Variants in GNAQ observed in about 807,000 individuals in gnomAD.
GNAQ encodes the protein guanine nucleotide-binding protein G(q) subunit alpha.
A neutral mutation model predicts 43.9 loss-of-function variants in GNAQ; 8 were observed. That is an observed-to-expected ratio of 0.18 (90% CI 0.11 to 0.33). The LOEUF (loss-of-function observed/expected upper bound fraction) is 0.33, where lower values mean the gene tolerates loss of function less well. GNAQ is among the 10% of genes least tolerant of loss of function. The pLI, the probability that GNAQ is intolerant of heterozygous loss-of-function variation, is 1.00. For missense variants in GNAQ, 158 were observed against 450.8 expected, an observed-to-expected ratio of 0.35 and a Z score of 5.88; for synonymous variants, 155 against 170.7, an observed-to-expected ratio of 0.91 and a Z score of 0.71.
chr9:77,992,245 C>T (rs1248577192), intron 1 of GNAQ, among the ~76,000 whole-genome samples: 2 of 152,148 alleles, frequency 1.3e-5, no homozygotes. Context: ...CTGTCATTTC[C>T]CTGTAAATGG....
chr9:77,877,259 C>T (rs547440256), intron 2 of GNAQ, among the ~76,000 whole-genome samples: 1 of 152,298 alleles, frequency 6.6e-6, no homozygotes, highest in East Asian at 1.9e-4. Context: ...TTTATAATCC[C>T]TATTCCATGT....
chr9:77,886,758 T>C (rs1410552), intron 2 of GNAQ, among the ~76,000 whole-genome samples: 87,205 of 151,922 alleles, frequency 0.57, 27,054 homozygotes, highest in South Asian at 0.71. Flanking sequence ...AGCTACTGGC[T>C]CATGAACCTT....
At chr9:77,935,874 A>G (rs1255648985) in intron 1 of GNAQ, among the ~76,000 whole-genome samples, 1 of 152,208 alleles carries the variant, frequency 6.6e-6, no homozygotes, top group African/African-American at 2.4e-5. Flanking sequence ...CAGAAACAGC[A>G]ATAGTCAACC....
At chr9:77,783,973 T>C (rs1410081203) in intron 5 of GNAQ, among the ~76,000 whole-genome samples, 1 of 151,996 alleles carries the variant, frequency 6.6e-6, no homozygotes, top group Non-Finnish European at 1.5e-5. Context: ...ATAACACACA[T>C]AATAATGAAG....
At chr9:77,803,330 G>A (rs929932070) in intron 3 of GNAQ, among the ~76,000 whole-genome samples, 1 of 152,138 alleles carries the variant, frequency 6.6e-6, no homozygotes, top group Non-Finnish European at 1.5e-5. Context: ...TTTAGGTCCT[G>A]GCTAGAGAAT....
At chr9:77,856,684 T>A (rs1827761013) in intron 2 of GNAQ, among the ~76,000 whole-genome samples, 1 of 152,202 alleles carries the variant, frequency 6.6e-6, no homozygotes, top group African/African-American at 2.4e-5. Flanking sequence ...AACTTCTTTG[T>A]AAGTAATTAC....
chr9:78,031,369 A>G lies in GNAQ; in HGVS notation c.-134T>C, dbSNP rs1358610437. On this transcript the variant is annotated 5_prime_UTR_variant, in exon 1 of 7. Transcript: ENST00000286548. ...GCCGCCCGGGCGCGCGTCCGGGACG[A>G]GCTCCGGGAACCGCCGCGGGGGCGG... The G allele has an allele frequency of 1.8e-6, 1 of 545,928 alleles. No homozygotes were observed. Among genetic ancestry groups the G allele is most frequent in the Non-Finnish European group, 2.6e-6 (1 of 387,094 alleles). The allele number at this position is 545,928 out of a possible 1,614,324, so 33.8% of individuals were successfully genotyped here.
chr9:77,916,612 T>A (rs542170019), intron 2 of GNAQ, among the ~76,000 whole-genome samples: 2 of 152,158 alleles, frequency 1.3e-5, no homozygotes, highest in Non-Finnish European at 2.9e-5. Flanking sequence ...TAGCAATACA[T>A]CCTCTCATAA....
At chr9:77,990,992 T>C (rs1823500441) in intron 1 of GNAQ, among the ~76,000 whole-genome samples, 1 of 152,190 alleles carries the variant, frequency 6.6e-6, no homozygotes, top group Non-Finnish European at 1.5e-5. Context: ...TCAAAATGTA[T>C]TTAATAGAGT....
At chr9:77,861,721 G>T (rs1827855083) in intron 2 of GNAQ, among the ~76,000 whole-genome samples, 2 of 152,124 alleles carry the variant, frequency 1.3e-5, no homozygotes, top group South Asian at 4.1e-4. Flanking sequence ...TGATGCATGA[G>T]GTCAGGCATG....
At chr9:78,015,411 A>G (rs1823826663) in intron 1 of GNAQ, among the ~76,000 whole-genome samples, 1 of 152,224 alleles carries the variant, frequency 6.6e-6, no homozygotes, top group African/African-American at 2.4e-5. Context: ...ACTTACATAG[A>G]GCAAAATTTC....
intron 2 of GNAQ, among the ~76,000 whole-genome samples, chr9:77,856,288 C>G (rs1188453019): frequency 1.3e-5 from 2 of 152,020 alleles, no homozygotes; most frequent in Non-Finnish European, 2.9e-5. Flanking sequence ...CTATGAAAGC[C>G]AAGTGCAATA....
chr9:77,962,907 A>C (rs1429427170), intron 1 of GNAQ, among the ~76,000 whole-genome samples: 1 of 151,772 alleles, frequency 6.6e-6, no homozygotes, highest in Non-Finnish European at 1.5e-5. Context: ...AAAAAAAAAA[A>C]AAAAAAAACA....
Position 77,766,531 on chromosome 9 carries a change from C to G in GNAQ, c.735+27932G>C, listed in dbSNP as rs990438858. ...CTCATTTGATGAGACTTCTGGGTGT[C>G]TCTGATTTTCTTTGAGTTTGATCCA... On this transcript the variant is annotated intron_variant, in intron 5 of 6. Transcript: ENST00000286548. Among the ~76,000 whole-genome samples the G allele has an allele frequency of 4.6e-5, 7 of 152,016 alleles. No homozygotes were observed. In the East Asian group the frequency reaches 9.6e-4, roughly 21 times the overall value.
intron 2 of GNAQ, among the ~76,000 whole-genome samples, chr9:77,858,458 AGTT>A (rs1449194509): frequency 1.3e-5 from 2 of 152,038 alleles, no homozygotes; most frequent in Non-Finnish European, 2.9e-5. Context: ...CCAGATCGTA[AGTT>A]GTTGTCTTTA....
At chr9:77,863,851 A>G (rs891328772) in intron 2 of GNAQ, among the ~76,000 whole-genome samples, 9 of 152,114 alleles carry the variant, frequency 5.9e-5, no homozygotes, top group African/African-American at 2.2e-4. Flanking sequence ...ATCTCATGAG[A>G]CTTATTCATG....
intron 5 of GNAQ, among the ~76,000 whole-genome samples, chr9:77,785,426 CCA>C (rs1429745281): frequency 1.3e-5 from 2 of 152,156 alleles, no homozygotes; most frequent in Non-Finnish European, 2.9e-5. Context: ...CTGTTGTAAC[CCA>C]CAGTGTTTCT....
At chr9:77,930,078 G>C (rs1231990959) in intron 1 of GNAQ, among the ~76,000 whole-genome samples, 2 of 152,136 alleles carry the variant, frequency 1.3e-5, no homozygotes. Context: ...ATCTCTGCCT[G>C]AATCTCCATT....
intron 1 of GNAQ, among the ~76,000 whole-genome samples, chr9:78,015,095 T>C (rs893135766): frequency 6.6e-6 from 1 of 152,222 alleles, no homozygotes; most frequent in Non-Finnish European, 1.5e-5. Context: ...GCTCCATTTA[T>C]GGTAAGTGCG....
Sources: gnomAD v4.1 joint callset for allele counts (sites outside exome capture counted in the v4.1 genomes callset) on GRCh38, gnomAD v4.1.1 for gene constraint, MANE v1.5 for transcripts, NCBI Gene and HGNC (gene_info 2026-07-23, HGNC 2026-07-21) for gene names.